Variants in WDFY3 observed in about 807,000 individuals in gnomAD.
WDFY3 encodes the protein WD repeat and FYVE domain-containing protein 3.
WDFY3 carries 66 observed loss-of-function variants against 409.6 expected under a neutral mutation model. The observed-to-expected ratio is 0.16, with a 90% confidence interval of 0.13 to 0.20. The LOEUF is 0.20. Among genes scored for constraint, WDFY3 ranks in the 10% least tolerant of loss-of-function variants. The pLI is 1.00. For missense variants in WDFY3, 3,031 were observed against 4,298.1 expected (o/e 0.71, Z 8.24); for synonymous variants, 1,521 against 1,537.1 (o/e 0.99, Z 0.25).
intron 30 of WDFY3, among the ~76,000 whole-genome samples, chr4:84,771,297 C>T (rs1371131266): frequency 6.6e-6 from 1 of 152,100 alleles, no homozygotes; most frequent in African/African-American, 2.4e-5. Flanking sequence ...ACCAACACAC[C>T]TGGTTAATTT....
At chr4:84,905,072 A>T (rs1326224547) in intron 2 of WDFY3, among the ~76,000 whole-genome samples, 3 of 151,976 alleles carry the variant, frequency 2.0e-5, no homozygotes, top group South Asian at 4.2e-4. Flanking sequence ...GTCCCTACAC[A>T]CACCTGTAAT....
chr4:84,960,829 C>A (rs59429930), intron 1 of WDFY3, among the ~76,000 whole-genome samples: 1 of 152,106 alleles, frequency 6.6e-6, no homozygotes. Context: ...TGAATGATAT[C>A]TTATTCCAAC....
At position 84,686,427 on chromosome 4, in the gene WDFY3, C is replaced by A. The variant is rs576477490; in HGVS notation, c.9543+1659G>T. 3.3e-5 allele frequency among the ~76,000 whole-genome samples: 5 copies of A among 152,322 alleles called. No individual in the cohort carries two copies. In the South Asian group the frequency reaches 1.0e-3, roughly 32 times the overall value. On this transcript the variant is annotated intron_variant, in intron 62 of 67. Transcript: ENST00000295888. ...CCTGAGTACGTCTGCCATTATTAATCAAACACTCTAAGTGATTGACAACTG... is the reference window on the plus strand; with the variant it reads ...CCTGAGTACGTCTGCCATTATTAATAAAACACTCTAAGTGATTGACAACTG...
chr4:84,931,363 C>T (rs1475398250), intron 2 of WDFY3, among the ~76,000 whole-genome samples: 3 of 152,146 alleles, frequency 2.0e-5, no homozygotes, highest in Admixed American at 6.5e-5. Context: ...GAGTCTGTTC[C>T]GGCAAATCAG....
Position 84,860,503 on chromosome 4 carries a change from C to T in WDFY3, c.89G>A (p.Arg30Gln). 1 of 1,614,114 alleles carries T rather than the reference C, an allele frequency of 6.2e-7. No individual in the cohort carries two copies. The highest frequency in any genetic ancestry group is 8.5e-7 in the Non-Finnish European group (1 of 1,180,004). ...DNALGLMHLR[R>Q]LFTELCHPPR... Reference sequence around the variant, plus strand: ...AGGATGGCACAACTCCGTGAAGAGCCGGCGGAGGTGCATCAGTCCTAAGGC... The same window carrying T: ...AGGATGGCACAACTCCGTGAAGAGCTGGCGGAGGTGCATCAGTCCTAAGGC... The change falls in exon 4 of 68, where the codon CGG (arginine) becomes CAG (glutamine). Residue 30 changes from arginine (R) to glutamine (Q), a missense_variant. Physicochemically the swap from Arg to Gln is conservative, Grantham distance 43. Around this residue, in one of 16 missense-constraint regions of WDFY3, gnomAD observed 1,322 missense variants for 1,697.9 expected, o/e 0.78. Coordinates refer to ENST00000295888, the MANE Select transcript of WDFY3 (RefSeq NM_014991.6).
At chr4:84,740,474 T>A (rs1481778339) in intron 38 of WDFY3, 58 bp from the exon 39 acceptor site, 7 of 1,544,766 alleles carry the variant, frequency 4.5e-6, no homozygotes, top group African/African-American at 1.4e-5. Flanking sequence ...CACCTGTTAA[T>A]CATTCATACA....
rs890175468 is a variant in WDFY3, at chr4:84,670,180, T to C, written c.*2688A>G. 6.6e-6 allele frequency: 1 copy of C among 152,584 alleles called. No homozygotes were observed. Among genetic ancestry groups the C allele is most frequent in the South Asian group, 2.1e-4 (1 of 4,832 alleles). The allele number at this position is 152,584 out of a possible 1,614,324, so 9.5% of individuals were successfully genotyped here. A position where few individuals can be genotyped will look rare whatever the true frequency, so the allele number is the denominator to read the frequency against. On this transcript the variant is annotated 3_prime_UTR_variant, in exon 68 of 68. Coordinates refer to ENST00000295888, the MANE Select transcript of WDFY3 (RefSeq NM_014991.6). ...CATGACATTAGAGTTGCACACTACA[T>C]AGAAATGTTAGAATACATGGATGAA... is the stretch of plus-strand genomic sequence containing the variant.
chr4:84,793,578 C>T (rs1486416062), intron 21 of WDFY3, among the ~76,000 whole-genome samples: 1 of 152,036 alleles, frequency 6.6e-6, no homozygotes, highest in East Asian at 1.9e-4. Flanking sequence ...GAAGAGAAAG[C>T]GATTGAAGGA....
intron 5 of WDFY3, among the ~76,000 whole-genome samples, chr4:84,849,142 CAG>C (rs761220236): frequency 2.6e-5 from 4 of 152,056 alleles, no homozygotes; most frequent in Non-Finnish European, 5.9e-5. Flanking sequence ...ATTCAGGAAA[CAG>C]AATCCACCCC....
At chr4:84,908,785 T>C (rs144386374) in intron 2 of WDFY3, among the ~76,000 whole-genome samples, 73 of 152,274 alleles carry the variant, frequency 4.8e-4, no homozygotes, top group African/African-American at 1.7e-3. Flanking sequence ...TGTCCTTATC[T>C]AGCTCAAGAG....
chr4:84,859,927 C>T (rs1271302001), intron 4 of WDFY3, among the ~76,000 whole-genome samples: 1 of 152,166 alleles, frequency 6.6e-6, no homozygotes, highest in East Asian at 1.9e-4. Flanking sequence ...ATGTAATTTA[C>T]AAAACATATG....
intron 18 of WDFY3, 95 bp downstream of exon 18, chr4:84,797,901 C>A: frequency 8.3e-7 from 1 of 1,198,830 alleles, no homozygotes; most frequent in East Asian, 2.5e-5. Flanking sequence ...AAACCCTTCT[C>A]TTTCTTTGCT....
chr4:84,777,494 G>A (rs890270492), intron 27 of WDFY3, among the ~76,000 whole-genome samples: 1 of 147,896 alleles, frequency 6.8e-6, no homozygotes, highest in Non-Finnish European at 1.5e-5. Context: ...GAATATGAGG[G>A]AAACAGACAA....
intron 39 of WDFY3, 104 bp from the exon 40 acceptor site, chr4:84,739,223 C>CTGCTGG: frequency 8.8e-7 from 1 of 1,137,864 alleles, no homozygotes; most frequent in African/African-American, 1.5e-5. Context: ...CACTGAATGT[C>CTGCTGG]TACTCAGCAG....
intron 1 of WDFY3, among the ~76,000 whole-genome samples, chr4:84,936,607 A>G (rs1771446047): frequency 6.6e-6 from 1 of 152,094 alleles, no homozygotes; most frequent in Non-Finnish European, 1.5e-5. Context: ...CTCTTTCCAA[A>G]CTTTATACAA....
chr4:84,857,075 T>C (rs1759857558), intron 4 of WDFY3, among the ~76,000 whole-genome samples: 1 of 152,212 alleles, frequency 6.6e-6, no homozygotes, highest in South Asian at 2.1e-4. Context: ...TATAACTTTC[T>C]ATCTTTTCAT....
Position 84,896,998 on chromosome 4 carries a change from A to T in WDFY3, c.-119T>A, listed in dbSNP as rs891662420. On this transcript the variant is annotated 5_prime_UTR_variant, in exon 3 of 68. Transcript: ENST00000295888. ...GAAGGTATTTTACTCAAAACTTGAAATCTGGGCTCCAGCTAGAAAGAGGGG... is the reference window on the plus strand; with the variant it reads ...GAAGGTATTTTACTCAAAACTTGAATTCTGGGCTCCAGCTAGAAAGAGGGG... 6.6e-6 allele frequency: 1 copy of T among 152,210 alleles called. No individual in the cohort carries two copies. The highest frequency in any genetic ancestry group is 1.5e-5 in the Non-Finnish European group (1 of 68,040). 9.4% of individuals were successfully genotyped at this position (152,210 alleles called of 1,614,324 possible).
chr4:84,812,838 G>A (rs1371492554), intron 13 of WDFY3, among the ~76,000 whole-genome samples: 2 of 152,080 alleles, frequency 1.3e-5, no homozygotes, highest in Non-Finnish European at 2.9e-5. Context: ...CACAATCTCA[G>A]TATTCGAAAA....
intron 58 of WDFY3, among the ~76,000 whole-genome samples, chr4:84,695,204 T>C (rs1362903315): frequency 6.6e-6 from 1 of 152,056 alleles, no homozygotes; most frequent in African/African-American, 2.4e-5. Context: ...GGTTTGCTCA[T>C]CACTGAACAT....
Sources: allele counts gnomAD v4.1 joint callset (sites outside exome capture counted in the v4.1 genomes callset), GRCh38; gene constraint gnomAD v4.1.1; regional missense constraint gnomAD v4.1.1; transcripts MANE v1.5; gene names NCBI Gene and HGNC (gene_info 2026-07-23, HGNC 2026-07-21).